The following PCDH15 variants were observed in gnomAD, a reference collection of about 807,000 sequenced individuals.
The protein encoded by PCDH15 is protocadherin related 15.
In PCDH15, 129 loss-of-function variants were observed where a neutral mutation model predicts 178.5. That is an observed-to-expected ratio of 0.72 (90% confidence interval 0.63 to 0.84). The LOEUF is 0.84. Ranked by LOEUF, PCDH15 falls within the 40% of genes least tolerant of loss-of-function variation. The pLI, the probability that PCDH15 is intolerant of heterozygous loss-of-function variation, is 0.00. For synonymous variants in PCDH15, 800 were observed against 732.0 expected (o/e 1.09, Z -1.50); for missense variants, 2,230 against 2,099.9 (o/e 1.06, Z -1.21).
At chr10:55,508,907 T>C (rs1055135441) in intron 2 of PCDH15, among the ~76,000 whole-genome samples, 6 of 151,646 alleles carry the variant, frequency 4.0e-5, no homozygotes, top group Non-Finnish European at 8.8e-5. Flanking sequence ...GGTAGCTGAA[T>C]ATTACAAGTT....
chr10:54,866,907 A>T (rs1171135229), intron 3 of PCDH15, among the ~76,000 whole-genome samples: 1 of 152,214 alleles, frequency 6.6e-6, no homozygotes, highest in Non-Finnish European at 1.5e-5. Context: ...CTGAACAAGG[A>T]AAAGGTCTCT....
At chr10:53,912,664 C>A (rs562022852) in intron 25 of PCDH15, among the ~76,000 whole-genome samples, 4 of 151,868 alleles carry the variant, frequency 2.6e-5, no homozygotes, top group African/African-American at 7.2e-5. Context: ...GACAAAGACC[C>A]AAATCATGAG....
chr10:54,228,355 A>G (rs1478979456), intron 9 of PCDH15, among the ~76,000 whole-genome samples: 1 of 152,164 alleles, frequency 6.6e-6, no homozygotes, highest in Non-Finnish European at 1.5e-5. Flanking sequence ...TTAAAAAAAA[A>G]TCATCAGATC....
intron 30 of PCDH15, among the ~76,000 whole-genome samples, chr10:53,828,911 G>C (rs1251462519): frequency 6.6e-6 from 1 of 152,122 alleles, no homozygotes; most frequent in Non-Finnish European, 1.5e-5. Flanking sequence ...TTTATAATTG[G>C]CTTCTTGGTT....
At chr10:54,026,884 C>G (rs2093115891) in intron 18 of PCDH15, among the ~76,000 whole-genome samples, 1 of 151,834 alleles carries the variant, frequency 6.6e-6, no homozygotes, top group Non-Finnish European at 1.5e-5. Context: ...TGGCACAAGA[C>G]AGGGATGCCC....
intron 21 of PCDH15, among the ~76,000 whole-genome samples, chr10:53,963,817 C>G (rs773243783): frequency 6.6e-5 from 10 of 152,076 alleles, no homozygotes; most frequent in Non-Finnish European, 1.0e-4. Context: ...CTAATGTCTT[C>G]TCATATCCTC....
intron 8 of PCDH15, among the ~76,000 whole-genome samples, chr10:54,307,706 C>T (rs2060642521): frequency 6.6e-6 from 1 of 151,850 alleles, no homozygotes; most frequent in African/African-American, 2.4e-5. Context: ...CTCGACTGTT[C>T]TTTTGAATAA....
At chr10:55,419,563 A>G (rs1838569392) in intron 2 of PCDH15, among the ~76,000 whole-genome samples, 1 of 151,820 alleles carries the variant, frequency 6.6e-6, no homozygotes, top group Non-Finnish European at 1.5e-5. Context: ...CCATGGCTGT[A>G]AGACAGGAAA....
intron 1 of PCDH15, among the ~76,000 whole-genome samples, chr10:55,304,577 CA>C (rs1843370193): frequency 6.6e-6 from 1 of 152,108 alleles, no homozygotes. Context: ...TGACTCACTC[CA>C]AACTGCTTTT....
At chr10:53,940,674 G>GA (rs539462338) in intron 24 of PCDH15, among the ~76,000 whole-genome samples, 192 bp downstream of exon 24, 2 of 152,050 alleles carry the variant, frequency 1.3e-5, no homozygotes, top group East Asian at 1.9e-4. Flanking sequence ...TTTCTTAAGG[G>GA]AAAAAATCAC....
Position 53,803,358 on chromosome 10 carries a change from TGTCTTCCCTCGAGA to T in PCDH15, c.*3207_*3220del, listed in dbSNP as rs1840979242. 1.3e-5 allele frequency: 2 copies of T among 151,802 alleles called. No individual in the cohort carries two copies. Among genetic ancestry groups the T allele is most frequent in the Non-Finnish European group, 1.5e-5 (1 of 67,838 alleles). The allele number at this position is 151,802 out of a possible 1,614,324, so 9.4% of individuals were successfully genotyped here. On this transcript the variant is annotated 3_prime_UTR_variant, in exon 38 of 38. Transcript: ENST00000644397. ...AGCTCATGAAATAAAAGACAGAAAA[TGTCTTCCCTCGAGA>T]GTCAATATTCAATTACTTCTGGCTC...
intron 18 of PCDH15, among the ~76,000 whole-genome samples, chr10:54,044,077 A>G (rs1272880363): frequency 6.6e-6 from 1 of 152,114 alleles, no homozygotes. Flanking sequence ...GCCTTATAGT[A>G]TTGGCAGCAC....
At chr10:54,568,779 C>T (rs1336518151) in intron 2 of PCDH15, 1 of 151,996 alleles carries the variant, frequency 6.6e-6, no homozygotes, top group Non-Finnish European at 1.5e-5. Flanking sequence ...TCTAATGGTA[C>T]CTTTTTCTAT....
At chr10:54,183,302 T>G (rs557896584) in intron 13 of PCDH15, 142 bp downstream of exon 13, 2 of 852,268 alleles carry the variant, frequency 2.3e-6, no homozygotes, top group East Asian at 2.6e-5. Context: ...TAACAGAAAT[T>G]TAAAGCTATT....
At chr10:54,372,069 C>T (rs1947759372) in intron 4 of PCDH15, among the ~76,000 whole-genome samples, 2 of 151,990 alleles carry the variant, frequency 1.3e-5, no homozygotes, top group Non-Finnish European at 2.9e-5. Flanking sequence ...CCTTTTAAGG[C>T]ATGTCCAGCA....
Position 55,192,429 on chromosome 10 carries a change from T to A in PCDH15, c.-155-25778A>T, listed in dbSNP as rs1050426695. Among the ~76,000 whole-genome samples the A allele has an allele frequency of 4.0e-5, 6 of 151,864 alleles. No homozygotes were observed. In the East Asian group the frequency reaches 1.2e-3, roughly 29 times the overall value. On this transcript the variant is annotated intron_variant, in intron 1 of 5. Coordinates refer to the PCDH15 transcript ENST00000458638. ...AGTTATTTCTCTCTCTGAATAGATA[T>A]TCCACACGGAGGAAACCGACTCAGA...
intron 9 of PCDH15, among the ~76,000 whole-genome samples, chr10:54,218,551 G>A (rs1000797908): frequency 2.6e-5 from 4 of 151,052 alleles, no homozygotes; most frequent in Non-Finnish European, 4.4e-5. Flanking sequence ...CTGTCCAAGG[G>A]CACACAGAGG....
intron 2 of PCDH15, among the ~76,000 whole-genome samples, chr10:55,374,739 T>C (rs1845580879): frequency 6.6e-6 from 1 of 152,126 alleles, no homozygotes; most frequent in Non-Finnish European, 1.5e-5. Context: ...TTTTTATTTA[T>C]CAACTTATTT....
chr10:55,258,933 C>T (rs375691974), intron 1 of PCDH15, among the ~76,000 whole-genome samples: 5 of 152,162 alleles, frequency 3.3e-5, no homozygotes, highest in African/African-American at 9.6e-5. Context: ...AGATGTCCCT[C>T]ATTTGTCATG....
Sources: allele counts gnomAD v4.1 joint callset (sites outside exome capture counted in the v4.1 genomes callset), GRCh38; gene constraint gnomAD v4.1.1; transcripts MANE v1.5; gene names NCBI Gene and HGNC (gene_info 2026-07-23, HGNC 2026-07-21).